KCTD16: variants seen among roughly 807,000 people sequenced by gnomAD.
The protein encoded by KCTD16 is BTB/POZ domain-containing protein KCTD16.
A neutral mutation model predicts 33.2 loss-of-function variants in KCTD16; 13 were observed. The ratio of observed to expected loss-of-function variants is 0.39; its 90% CI spans 0.25 to 0.62. KCTD16 has a LOEUF of 0.62. Among genes scored for constraint, KCTD16 ranks in the 20% least tolerant of loss-of-function variants. The pLI is 0.50. For missense variants in KCTD16, 441 were observed against 525.1 expected, an observed-to-expected ratio of 0.84 and a Z score of 1.57; for synonymous variants, 197 against 195.3, an observed-to-expected ratio of 1.01 and a Z score of -0.07.
chr5:144,239,313 TG>T (rs1356587477), intron 3 of KCTD16, among the ~76,000 whole-genome samples: 1 of 152,120 alleles, frequency 6.6e-6, no homozygotes, highest in East Asian at 1.9e-4. Flanking sequence ...TTAAGAAGTT[TG>T]GGTAAGTTTC....
At chr5:144,407,609 G>A (rs545418527) in intron 3 of KCTD16, among the ~76,000 whole-genome samples, 3 of 152,064 alleles carry the variant, frequency 2.0e-5, no homozygotes, top group Non-Finnish European at 4.4e-5. Context: ...TACATGTGCC[G>A]TGGTAGTTTG....
chr5:144,408,382 C>G (rs181257057), intron 3 of KCTD16, among the ~76,000 whole-genome samples: 1 of 152,184 alleles, frequency 6.6e-6, no homozygotes, highest in Non-Finnish European at 1.5e-5. Context: ...TCCACAGTTA[C>G]GGTTTAAGCA....
At chr5:144,425,683 G>A (rs553457537) in intron 3 of KCTD16, among the ~76,000 whole-genome samples, 5 of 152,010 alleles carry the variant, frequency 3.3e-5, no homozygotes, top group South Asian at 2.1e-4. Context: ...CATGTACCAC[G>A]CCTGGACTCA....
chr5:144,461,808 C>T (rs1453525786), intron 3 of KCTD16, among the ~76,000 whole-genome samples: 2 of 152,164 alleles, frequency 1.3e-5, no homozygotes, highest in East Asian at 1.9e-4. Context: ...CTTTCACCCC[C>T]GGCTACGGAA....
chr5:144,219,859 G>T (rs1304822974), intron 3 of KCTD16, among the ~76,000 whole-genome samples: 2 of 152,042 alleles, frequency 1.3e-5, no homozygotes, highest in East Asian at 3.9e-4. Flanking sequence ...ACAAATGTTT[G>T]GACCCAGCAG....
intron 3 of KCTD16, among the ~76,000 whole-genome samples, chr5:144,456,162 A>T (rs1754056117): frequency 6.6e-6 from 1 of 151,466 alleles, no homozygotes; most frequent in Admixed American, 6.6e-5. Flanking sequence ...TTATAATTTA[A>T]TGTTCTTTAA....
chr5:144,243,742 T>A (rs1323429782), intron 3 of KCTD16, among the ~76,000 whole-genome samples: 3 of 152,056 alleles, frequency 2.0e-5, no homozygotes, highest in African/African-American at 7.2e-5. Context: ...ACTCTTTTTT[T>A]TGTTTTGTTT....
intron 3 of KCTD16, among the ~76,000 whole-genome samples, chr5:144,416,943 T>A (rs1244434297): frequency 6.6e-6 from 1 of 152,184 alleles, no homozygotes; most frequent in Non-Finnish European, 1.5e-5. Context: ...ATCTAGCATG[T>A]ATCAATACTT....
intron 3 of KCTD16, among the ~76,000 whole-genome samples, chr5:144,394,961 C>T (rs2126941377): frequency 6.6e-6 from 1 of 152,274 alleles, no homozygotes; most frequent in Non-Finnish European, 1.5e-5. Flanking sequence ...CAAGTTATAG[C>T]CGGAAACTAG....
intron 3 of KCTD16, among the ~76,000 whole-genome samples, chr5:144,361,945 T>TGA (rs1179028537): frequency 1.3e-5 from 2 of 148,872 alleles, no homozygotes; most frequent in Non-Finnish European, 3.0e-5. Flanking sequence ...TGTGTGTGTG[T>TGA]GTGATATATT....
chr5:144,217,436 A>G (rs956406443), intron 3 of KCTD16, among the ~76,000 whole-genome samples: 4 of 152,222 alleles, frequency 2.6e-5, no homozygotes, highest in Non-Finnish European at 5.9e-5. Flanking sequence ...CAATAAAAGT[A>G]TATCTTAGAA....
At chr5:144,205,495 C>G (rs1325766706) in intron 2 of KCTD16, 1 of 398,644 alleles carries the variant, frequency 2.5e-6, no homozygotes, top group South Asian at 1.3e-4. Flanking sequence ...GCCTCTGGCT[C>G]GCACCGGCTC....
chr5:144,377,693 T>A (rs1175871512), intron 3 of KCTD16: 1 of 152,158 alleles, frequency 6.6e-6, no homozygotes, highest in Non-Finnish European at 1.5e-5. Context: ...AAGAATGACA[T>A]CCTGCTGACA....
chr5:144,370,272 C>A (rs1477269304), intron 3 of KCTD16, among the ~76,000 whole-genome samples: 1 of 152,136 alleles, frequency 6.6e-6, no homozygotes, highest in East Asian at 1.9e-4. Context: ...AAGCTCCTGA[C>A]AGAGAAACTT....
intron 3 of KCTD16, among the ~76,000 whole-genome samples, chr5:144,316,619 T>C (rs1298880508): frequency 6.6e-6 from 1 of 151,406 alleles, no homozygotes; most frequent in Non-Finnish European, 1.5e-5. Context: ...TTCAAGTGAT[T>C]CTCCGGCCTC....
intron 3 of KCTD16, among the ~76,000 whole-genome samples, chr5:144,338,874 A>C (rs1752557561): frequency 6.6e-6 from 1 of 152,182 alleles, no homozygotes; most frequent in African/African-American, 2.4e-5. Flanking sequence ...CACTTTTATG[A>C]GATCCTTTGG....
At chr5:144,465,178 C>G (rs1754294367) in intron 3 of KCTD16, among the ~76,000 whole-genome samples, 1 of 110,514 alleles carries the variant, frequency 9.0e-6, no homozygotes, top group African/African-American at 3.5e-5. Context: ...CATAGTCTCT[C>G]TCTCCCCCCC....
intron 2 of KCTD16, among the ~76,000 whole-genome samples, chr5:144,203,269 TATTA>T (rs1753084070): frequency 1.3e-5 from 2 of 152,132 alleles, no homozygotes; most frequent in African/African-American, 4.8e-5. Flanking sequence ...TTAATATTAA[TATTA>T]ATTCTTGGTG....
intron 3 of KCTD16, among the ~76,000 whole-genome samples, chr5:144,218,039 C>G (rs115802189): frequency 0.015 from 2,288 of 152,210 alleles, 30 homozygotes; most frequent in Middle Eastern, 0.037. Context: ...TGCTCTTGTG[C>G]CTGTTAGGTT....
Sources: allele counts gnomAD v4.1 joint callset (sites outside exome capture counted in the v4.1 genomes callset), GRCh38; gene constraint gnomAD v4.1.1; transcripts MANE v1.5; gene names NCBI Gene and HGNC (gene_info 2026-07-23, HGNC 2026-07-21).